The following TRPM7 variants were observed in gnomAD, a reference collection of about 807,000 sequenced individuals.
TRPM7 encodes the protein LTRPC ion channel family member 7.
In TRPM7, 134 loss-of-function variants were observed where a neutral mutation model predicts 229.7. The observed-to-expected ratio is 0.58, with a 90% CI of 0.51 to 0.67. The LOEUF (loss-of-function observed/expected upper bound fraction) is 0.67, where lower values mean the gene tolerates loss of function less well. Ranked by LOEUF, TRPM7 falls within the 30% of genes least tolerant of loss-of-function variation. TRPM7 has a pLI of 0.00. For synonymous variants in TRPM7, 699 were observed against 715.2 expected, an observed-to-expected ratio of 0.98 and a Z score of 0.36; for missense variants, 1,901 against 2,210.0, an observed-to-expected ratio of 0.86 and a Z score of 2.80.
chr15:50,686,571 C>A lies in TRPM7; in HGVS notation c.-38G>T. The A allele has an allele frequency of 6.2e-7, 1 of 1,608,814 alleles. No homozygotes were observed. The highest frequency in any genetic ancestry group is 8.5e-7 in the Non-Finnish European group (1 of 1,177,086). On this transcript the variant is annotated 5_prime_UTR_variant, in exon 1 of 39. The change creates a premature stop within an existing upstream ORF in the 5' untranslated region. Transcript: ENST00000646667. Reference sequence around the variant, plus strand: ...GCGGACTCCGGAAGGGCAGCAACTCCACCTCCTCCTCCTCCGCGGCCTGTA... The same window carrying A: ...GCGGACTCCGGAAGGGCAGCAACTCAACCTCCTCCTCCTCCGCGGCCTGTA...
At chr15:50,672,608 A>C (rs2062012857) in intron 1 of TRPM7, among the ~76,000 whole-genome samples, 1 of 151,970 alleles carries the variant, frequency 6.6e-6, no homozygotes, top group Non-Finnish European at 1.5e-5. Context: ...TAATTTTAAA[A>C]TGTTGAAATA....
chr15:50,561,734 G>C lies in TRPM7; in HGVS notation c.5542C>G (p.Pro1848Ala), dbSNP rs748132782. 2.5e-6 allele frequency: 4 copies of C among 1,612,548 alleles called. No homozygotes were observed. In the Admixed American group the frequency reaches 6.7e-5, roughly 27 times the overall value. The change falls in exon 39 of 39, where the codon CCT becomes GCT. Residue 1848 changes from proline (P) to alanine (A), a missense_variant. By Grantham distance (27) the Pro-to-Ala change is conservative. Around this residue, in one of 8 missense-constraint regions of TRPM7, gnomAD observed 257 missense variants for 352.0 expected, o/e 0.73. Transcript: ENST00000646667. ...TCTGATTCTTTGGTGGAATTTCCAG[G>C]CTGAAGATTCAAATCTGAAGGCTCA... is the stretch of plus-strand genomic sequence containing the variant. ...QDEPSDLNLQ[P>A]GNSTKESEST...
chr15:50,654,856 C>A (rs1319246914), intron 3 of TRPM7, among the ~76,000 whole-genome samples: 2 of 149,830 alleles, frequency 1.3e-5, no homozygotes, highest in Middle Eastern at 6.8e-3. Context: ...AAAAAACTAC[C>A]CGGGTGTGGC....
chr15:50,624,428 G>T, intron 11 of TRPM7, 128 bp from the exon 12 acceptor site: 2 of 770,634 alleles, frequency 2.6e-6, no homozygotes, highest in Non-Finnish European at 3.9e-6. Context: ...TTAGAAAGAT[G>T]CAACACAGTA....
In TRPM7 at chr15:50,634,408, A is replaced by G. The variant is rs572337348; in HGVS notation, c.981T>C (p.Tyr327=). ...GTGRAADLLA[Y]IHKQTEEGGN... ...CTCCTTCTTCTGTTTGTTTATGAAT[A>G]TACGCTAGCAGATCTGCAGCTCTGC... is the stretch of plus-strand genomic sequence containing the variant. The change falls in exon 8 of 39, where the codon TAT becomes TAC. Residue 327 remains tyrosine (Y), a synonymous_variant. Coordinates refer to ENST00000646667, the MANE Select transcript of TRPM7 (RefSeq NM_017672.6). The G allele has an allele frequency of 2.5e-6, 4 of 1,581,322 alleles. No homozygotes were observed. The African/African-American group carries it at 5.5e-5, about 22-fold the overall frequency.
At chr15:50,629,961 A>G (rs2060683090) in intron 10 of TRPM7, among the ~76,000 whole-genome samples, 1 of 143,520 alleles carries the variant, frequency 7.0e-6, no homozygotes, top group Non-Finnish European at 1.5e-5. Flanking sequence ...TTCCGGGTTC[A>G]AGCAATTCTT....
At chr15:50,561,943 G>A (rs569469048) in intron 38 of TRPM7, 135 bp from the exon 39 acceptor site, 3 of 840,846 alleles carry the variant, frequency 3.6e-6, no homozygotes, top group Non-Finnish European at 5.1e-6. Flanking sequence ...TGCCCAAGCT[G>A]GAGTGCAATG....
chr15:50,669,597 C>T (rs1192270003), intron 1 of TRPM7, among the ~76,000 whole-genome samples: 4 of 152,130 alleles, frequency 2.6e-5, no homozygotes, highest in Non-Finnish European at 2.9e-5. Flanking sequence ...CAAAGCAAAT[C>T]GGTCATACTA....
rs2054506857 is a variant in TRPM7 at position 50,583,166 on chromosome 15, G to A, written c.4487-7C>T. ...CTTCTACTGATTTTTTCTGCTAAAA[G>A]AAAATTAAAAAATATAAAAAAGCTA... On this transcript the variant is annotated splice_region_variant and splice_polypyrimidine_tract_variant and intron_variant, in intron 28 of 38. Transcript: ENST00000646667. 2 of 1,590,438 alleles carry A rather than the reference G, an allele frequency of 1.3e-6. No individual in the cohort carries two copies. The highest frequency in any genetic ancestry group is 2.2e-5 in the East Asian group (1 of 44,464).
In TRPM7 at chr15:50,620,289, T is replaced by G. The variant is rs184491408; in HGVS notation, c.1441-491A>C. On this transcript the variant is annotated intron_variant, in intron 12 of 38. Coordinates refer to ENST00000646667, the MANE Select transcript of TRPM7 (RefSeq NM_017672.6). ...TTGTAAACTTTCTTAAAACATAGAG[T>G]TTTTTTTTCAATTTTTTTCAATTTT... Among the ~76,000 whole-genome samples the G allele has an allele frequency of 1.9e-4, 27 of 144,078 alleles. No individual in the cohort carries two copies. The East Asian group carries it at 2.5e-3, about 14-fold the overall frequency. The allele number at this position is 144,078 out of a possible 152,430, so 94.5% of individuals were successfully genotyped here.
At chr15:50,646,247 C>T (rs1466289547) in intron 4 of TRPM7, among the ~76,000 whole-genome samples, 1 of 152,032 alleles carries the variant, frequency 6.6e-6, no homozygotes, top group Non-Finnish European at 1.5e-5. Context: ...AACACGGAGG[C>T]AGGCAGAACA....
chr15:50,648,980 TA>T (rs1162404327), intron 3 of TRPM7, 95 bp from the exon 4 acceptor site: 9 of 841,326 alleles, frequency 1.1e-5, no homozygotes, highest in Non-Finnish European at 1.4e-5. Context: ...ATATAAGCTT[TA>T]AAATTTTTAT....
rs755025305 is a variant in TRPM7 at position 50,613,824 on chromosome 15, G to A, written c.1653C>T (p.Thr551=). Residue 551 remains threonine (T), a synonymous_variant, in exon 15 of 39, where the codon ACC becomes ACT. Transcript: ENST00000646667. ...TTCGCAACTGAGGAGTGCTGCTGGAGGTATTTCGGCCAGACCTCTGAAAAT... is the reference window on the plus strand; with the variant it reads ...TTCGCAACTGAGGAGTGCTGCTGGAAGTATTTCGGCCAGACCTCTGAAAAT... ...GGNNRRSGRN[T]SSSTPQLRKS... 6.2e-7 allele frequency: 1 copy of A among 1,612,212 alleles called. No homozygotes were observed. The highest frequency in any genetic ancestry group is 2.2e-5 in the East Asian group (1 of 44,844).
intron 13 of TRPM7, 34 bp downstream of exon 13, chr15:50,619,711 T>C (rs780689172): frequency 1.1e-5 from 16 of 1,504,260 alleles, no homozygotes; most frequent in African/African-American, 1.4e-5. Context: ...TTTTTTAAAA[T>C]AACATTTTTC....
At chr15:50,638,446 G>C (rs2060984923) in intron 6 of TRPM7, among the ~76,000 whole-genome samples, 2 of 148,760 alleles carry the variant, frequency 1.3e-5, no homozygotes, top group African/African-American at 5.0e-5. Flanking sequence ...CTATTCAGGA[G>C]GCTGAGGCAG....
At chr15:50,563,388 G>A (rs62021062) in intron 38 of TRPM7, among the ~76,000 whole-genome samples, 22,413 of 152,240 alleles carry the variant, frequency 0.15, 2,227 homozygotes, top group Admixed American at 0.28. Context: ...AGTCTCAAGA[G>A]AGGAACATCA....
chr15:50,678,246 A>AAC (rs2062142929), intron 1 of TRPM7, among the ~76,000 whole-genome samples: 2 of 142,504 alleles, frequency 1.4e-5, no homozygotes, highest in African/African-American at 5.1e-5. Context: ...TCTCAAAAAA[A>AAC]AAAAACAAAA....
At chr15:50,563,661 T>C (rs2053431954) in intron 38 of TRPM7, among the ~76,000 whole-genome samples, 1 of 152,040 alleles carries the variant, frequency 6.6e-6, no homozygotes, top group Non-Finnish European at 1.5e-5. Flanking sequence ...CTATGTAGGG[T>C]GGGAGATATA....
intron 29 of TRPM7, among the ~76,000 whole-genome samples, chr15:50,582,872 G>T (rs1258409036): frequency 3.3e-5 from 5 of 152,244 alleles, no homozygotes; most frequent in Non-Finnish European, 7.4e-5. Flanking sequence ...AACAAAAAGA[G>T]ATTCCTGCCT....
Sources: gnomAD v4.1 joint callset for allele counts (sites outside exome capture counted in the v4.1 genomes callset) on GRCh38, gnomAD v4.1.1 for gene constraint, gnomAD v4.1.1 regional missense constraint, MANE v1.5 for transcripts, NCBI Gene and HGNC (gene_info 2026-07-23, HGNC 2026-07-21) for gene names.